Variants in SUCLA2 observed in about 807,000 individuals in gnomAD.
SUCLA2 encodes the protein succinate--CoA ligase [ADP-forming] subunit beta, mitochondrial.
SUCLA2 carries 30 observed loss-of-function variants against 54.8 expected under a neutral mutation model. The ratio of observed to expected loss-of-function variants is 0.55; its 90% CI spans 0.41 to 0.74. The LOEUF is 0.74. Ranked by LOEUF, SUCLA2 falls within the 30% of genes least tolerant of loss-of-function variation. The pLI, the probability that SUCLA2 is intolerant of heterozygous loss-of-function variation, is 0.00. For synonymous variants in SUCLA2, 172 were observed against 188.9 expected, an observed-to-expected ratio of 0.91 and a Z score of 0.74; for missense variants, 476 against 562.9, an observed-to-expected ratio of 0.85 and a Z score of 1.56.
At chr13:47,959,295 T>C (rs1013981426) in intron 6 of SUCLA2, among the ~76,000 whole-genome samples, 2 of 151,948 alleles carry the variant, frequency 1.3e-5, no homozygotes, top group African/African-American at 4.8e-5. Flanking sequence ...AAATTATGTA[T>C]ATGATGATCA....
intron 6 of SUCLA2, among the ~76,000 whole-genome samples, chr13:47,964,659 C>A: frequency 6.6e-6 from 1 of 152,080 alleles, no homozygotes; most frequent in East Asian, 1.9e-4. Context: ...AGATCGAGAC[C>A]ATCCTGGCTA....
chr13:47,947,250 G>C (rs758024462), intron 10 of SUCLA2, among the ~76,000 whole-genome samples: 1 of 149,848 alleles, frequency 6.7e-6, no homozygotes, highest in Admixed American at 6.7e-5. Flanking sequence ...ACATGTGTAT[G>C]CATGTGTATG....
rs7335962 is a variant in SUCLA2 at position 47,971,483 on chromosome 13, G to A, written c.663+1781C>T. On this transcript the variant is annotated intron_variant, in intron 5 of 10. Transcript: ENST00000646932. ...ATATCCAAAGCAAACAATTTAATTCGATAGCAGCATTACAAATATTACCAA... is the reference window on the plus strand; with the variant it reads ...ATATCCAAAGCAAACAATTTAATTCAATAGCAGCATTACAAATATTACCAA... 7.4e-3 allele frequency: 1,285 copies of A among 173,094 alleles called. 11 individuals are homozygous for A. The highest frequency in any genetic ancestry group is 0.028 in the African/African-American group (1,197 of 42,464). The allele number at this position is 173,094 out of a possible 1,614,324, so 10.7% of individuals were successfully genotyped here.
chr13:47,977,586 G>A (rs1173412782), intron 4 of SUCLA2, among the ~76,000 whole-genome samples: 1 of 152,004 alleles, frequency 6.6e-6, no homozygotes, highest in African/African-American at 2.4e-5. Flanking sequence ...ATGATCAAGT[G>A]GGACTTAACT....
At chr13:47,986,391 T>A (rs553965107) in intron 4 of SUCLA2, among the ~76,000 whole-genome samples, 11 of 152,334 alleles carry the variant, frequency 7.2e-5, no homozygotes. Context: ...TGGGGTTGTT[T>A]GCTTTTTTTC....
rs1285929147 is a variant in SUCLA2, at chr13:47,968,718, C to A, written c.679G>T (p.Gly227Ter). 3.7e-6 allele frequency: 6 copies of A among 1,612,224 alleles called. No individual in the cohort carries two copies. Among genetic ancestry groups the A allele is most frequent in the Non-Finnish European group, 5.1e-6 (6 of 1,179,876 alleles). The change falls in exon 6 of 11, where the codon GGA becomes TGA. Residue 227 changes from glycine to a stop codon, truncating the protein, a stop_gained. Coordinates refer to ENST00000646932, the MANE Select transcript of SUCLA2 (RefSeq NM_003850.3). LOFTEE classifies it high-confidence loss of function. ...GATTCCACAATATTAGGTGGAAATC[C>A]CATCTTCTGTGCAAGCTGAAATCAA... ...EQALQLAQKM[G>*]FPPNIVESAA...
rs1299914290 is a variant in SUCLA2 at position 47,943,128 on chromosome 13, G to T, written c.*243C>A. The T allele has an allele frequency of 1.3e-5, 6 of 469,720 alleles. No individual in the cohort carries two copies. The highest frequency in any genetic ancestry group is 2.3e-5 in the Non-Finnish European group (6 of 260,292). The allele number at this position is 469,720 out of a possible 1,614,324, so 29.1% of individuals were successfully genotyped here. The stretch of plus-strand genomic sequence containing the variant: ...GCAAATTGCAAGTTACGTTTTGTAG[G>T]AGAAGCAAAAAAGACTGGCTGCGAC... On this transcript the variant is annotated 3_prime_UTR_variant, in exon 11 of 11. Transcript: ENST00000646932.
chr13:48,001,007 C>T, intron 1 of SUCLA2, 173 bp downstream of exon 1: 1 of 1,456,708 alleles, frequency 6.9e-7, no homozygotes, highest in South Asian at 1.4e-5. Flanking sequence ...CAAACATGGG[C>T]TCGCTCGTAG....
chr13:47,973,179 T>C, intron 5 of SUCLA2, 85 bp downstream of exon 5: 1 of 1,204,692 alleles, frequency 8.3e-7, no homozygotes, highest in South Asian at 1.3e-5. Context: ...AAATAAGTTT[T>C]GACAATTACT....
At chr13:47,994,645 C>G (rs1257395053) in intron 2 of SUCLA2, among the ~76,000 whole-genome samples, 1 of 148,750 alleles carries the variant, frequency 6.7e-6, no homozygotes, top group African/African-American at 2.5e-5. Flanking sequence ...CTTTTAAAAA[C>G]TAGCATTTCT....
chr13:47,978,374 C>T (rs1197025768), intron 4 of SUCLA2, among the ~76,000 whole-genome samples: 2 of 152,136 alleles, frequency 1.3e-5, no homozygotes, highest in Admixed American at 1.3e-4. Flanking sequence ...CATCTACAAC[C>T]ATCTGATCTT....
intron 5 of SUCLA2, among the ~76,000 whole-genome samples, chr13:47,970,633 G>C (rs1293408642): frequency 2.6e-5 from 4 of 151,826 alleles, no homozygotes; most frequent in African/African-American, 9.7e-5. Context: ...AGGCCGAGGT[G>C]GGCAGATCAT....
chr13:47,962,869 C>CAAAA (rs879355096), intron 6 of SUCLA2, among the ~76,000 whole-genome samples: 1,618 of 152,236 alleles, frequency 0.011, 11 homozygotes, highest in Non-Finnish European at 0.016. Context: ...AGGAGTTTTT[C>CAAAA]CTCAGGAAGG....
At chr13:47,999,363 A>G (rs1000734625) in intron 1 of SUCLA2, among the ~76,000 whole-genome samples, 10 of 152,184 alleles carry the variant, frequency 6.6e-5, no homozygotes, top group Non-Finnish European at 1.3e-4. Flanking sequence ...ACGAAGGTAC[A>G]CTAGGCTAAA....
chr13:47,998,628 G>A (rs1034785813), intron 1 of SUCLA2, among the ~76,000 whole-genome samples: 1 of 152,186 alleles, frequency 6.6e-6, no homozygotes, highest in Non-Finnish European at 1.5e-5. Context: ...ATAATGTAGA[G>A]AGAAAGAAGC....
chr13:47,961,423 G>A (rs746151091), intron 6 of SUCLA2, among the ~76,000 whole-genome samples: 4 of 152,080 alleles, frequency 2.6e-5, no homozygotes, highest in Non-Finnish European at 4.4e-5. Flanking sequence ...GTGACTTTGT[G>A]ATTCTATTTT....
intron 10 of SUCLA2, among the ~76,000 whole-genome samples, chr13:47,945,446 C>CAAAAAAAAAA (rs1949722099): frequency 1.8e-5 from 1 of 54,722 alleles, no homozygotes; most frequent in Admixed American, 1.7e-4. Context: ...AAAAAAAAAT[C>CAAAAAAAAAA]AAGAATCTAC....
intron 4 of SUCLA2, among the ~76,000 whole-genome samples, chr13:47,984,986 C>T (rs1191606996): frequency 2.0e-5 from 3 of 152,076 alleles, no homozygotes; most frequent in Non-Finnish European, 4.4e-5. Flanking sequence ...TTGACTCAGA[C>T]CAAAAGTACC....
At chr13:47,974,926 C>T (rs1409022889) in intron 4 of SUCLA2, among the ~76,000 whole-genome samples, 1 of 152,014 alleles carries the variant, frequency 6.6e-6, no homozygotes, top group Non-Finnish European at 1.5e-5. Context: ...AGCCCTAGGT[C>T]GTTTTCTCAA....
Sources: gnomAD v4.1 joint callset for allele counts (sites outside exome capture counted in the v4.1 genomes callset) on GRCh38, gnomAD v4.1.1 for gene constraint, MANE v1.5 for transcripts, NCBI Gene and HGNC (gene_info 2026-07-23, HGNC 2026-07-21) for gene names.